Variants in SOCS2 observed in about 807,000 individuals in gnomAD.
SOCS2 encodes the protein CIS-2.
A neutral mutation model predicts 18.6 loss-of-function variants in SOCS2; 10 were observed. The observed-to-expected ratio is 0.54, with a 90% CI of 0.33 to 0.91. The LOEUF is 0.91. Ranked by LOEUF, SOCS2 falls within the 40% of genes least tolerant of loss-of-function variation. The pLI is 0.02. For missense variants in SOCS2, 231 were observed against 247.2 expected, an observed-to-expected ratio of 0.93 and a Z score of 0.44; for synonymous variants, 104 against 104.0, an observed-to-expected ratio of 1.00 and a Z score of 0.00.
chr12:93,593,752 G>A, the SOCS2 span, among the ~76,000 whole-genome samples: 1 of 152,102 alleles, frequency 6.6e-6, no homozygotes, highest in Non-Finnish European at 1.5e-5. Context: ...ATGAAGCCAA[G>A]TCAAGTCAGA....
chr12:93,571,728 C>A (rs949087052), upstream of SOCS2: 16 of 297,104 alleles, frequency 5.4e-5, no homozygotes, highest in East Asian at 2.5e-3. Flanking sequence ...CGCCTCCGAG[C>A]GCGGGGCTGG....
downstream of SOCS2, among the ~76,000 whole-genome samples, chr12:93,579,619 G>A (rs1954510916): frequency 6.6e-6 from 1 of 152,108 alleles, no homozygotes. Flanking sequence ...TTCTTCATAT[G>A]CATGGTTCTT....
At chr12:93,571,871 T>G (rs968103070), upstream of SOCS2, 2 of 413,096 alleles carry the variant, frequency 4.8e-6, no homozygotes, top group African/African-American at 4.7e-5. Flanking sequence ...CTGAGGAGGC[T>G]GCCTGGTGCG....
chr12:93,582,950 T>G (rs1234387828), intron 1 of SOCS2: 1 of 152,028 alleles, frequency 6.6e-6, no homozygotes, highest in Non-Finnish European at 1.5e-5. Flanking sequence ...TATGCTATAA[T>G]ATATTCTCAT....
chr12:93,619,367 G>T, the SOCS2 span, among the ~76,000 whole-genome samples: 13,094 of 152,200 alleles, frequency 0.086, 939 homozygotes, highest in East Asian at 0.31. Context: ...AGGGCAGGAA[G>T]GGTGGGGCAC....
chr12:93,620,042 T>G, the SOCS2 span, among the ~76,000 whole-genome samples: 5 of 152,260 alleles, frequency 3.3e-5, no homozygotes, highest in African/African-American at 1.2e-4. Context: ...TTGGAAATTT[T>G]TGTGTTTTCT....
chr12:93,573,195 G>A (rs1954324360), intron 1 of SOCS2, 159 bp downstream of exon 1: 4 of 938,676 alleles, frequency 4.3e-6, no homozygotes, highest in Non-Finnish European at 6.3e-6. Context: ...CTGGGTCCTT[G>A]GGAATGCGTA....
chr12:93,582,532 TC>T (rs1954554534), intron 1 of SOCS2, among the ~76,000 whole-genome samples: 1 of 152,160 alleles, frequency 6.6e-6, no homozygotes, highest in Non-Finnish European at 1.5e-5. Flanking sequence ...GTTGACTCTT[TC>T]CTTCCTTGGC....
At chr12:93,600,162 A>G in the SOCS2 span, among the ~76,000 whole-genome samples, 1 of 152,218 alleles carries the variant, frequency 6.6e-6, no homozygotes, top group Non-Finnish European at 1.5e-5. Flanking sequence ...AATGGAGATA[A>G]AGGTATAGAT....
chr12:93,619,279 T>C, the SOCS2 span, among the ~76,000 whole-genome samples: 1 of 152,256 alleles, frequency 6.6e-6, no homozygotes, highest in African/African-American at 2.4e-5. Context: ...CATTATTTCC[T>C]GGCCAAGCCC....
chr12:93,581,874 T>C (rs1954545434), intron 1 of SOCS2, among the ~76,000 whole-genome samples: 1 of 152,218 alleles, frequency 6.6e-6, no homozygotes, highest in African/African-American at 2.4e-5. Context: ...TGCTTAGCCA[T>C]TGCATTTCAT....
the SOCS2 span, among the ~76,000 whole-genome samples, chr12:93,615,752 T>G: frequency 6.6e-6 from 1 of 152,144 alleles, no homozygotes; most frequent in African/African-American, 2.4e-5. Context: ...TGAGCCACCA[T>G]GTTCAGCTAA....
chr12:93,609,089 G>T, the SOCS2 span, among the ~76,000 whole-genome samples: 1 of 151,492 alleles, frequency 6.6e-6, no homozygotes, highest in African/African-American at 2.4e-5. Context: ...GTGACACCCT[G>T]TCTCTATTTA....
At chr12:93,614,429 CCCTTCCTTCCTTCCTT>C in the SOCS2 span, among the ~76,000 whole-genome samples, 5 of 41,482 alleles carry the variant, frequency 1.2e-4, no homozygotes, top group African/African-American at 2.9e-4. Context: ...TCCTTTCTTT[CCCTTCCTTCCTTCCTT>C]CCTTCCTTCC....
At chr12:93,614,560 T>C in the SOCS2 span, among the ~76,000 whole-genome samples, 20 of 46,664 alleles carry the variant, frequency 4.3e-4, no homozygotes, top group Middle Eastern at 7.0e-3. Context: ...TCTTTCTTTC[T>C]TTCTTTCTTT....
rs1169540984 is a variant in SOCS2, at chr12:93,573,030, C to G, written c.133C>G (p.Gln45Glu). 2 of 1,565,554 alleles carry G rather than the reference C, an allele frequency of 1.3e-6. No homozygotes were observed. Among genetic ancestry groups the G allele is most frequent in the Non-Finnish European group, 1.7e-6 (2 of 1,160,056 alleles). Reference protein sequence around the residue: ...RLAKALRELGQTGWYWGSMTV... With the variant: ...RLAKALRELGETGWYWGSMTV... ...GGCGAAGGCCCTGCGGGAGCTCGGTCAGACAGGTAGGGAGCCGATCGGCCG... is the reference window on the plus strand; with the variant it reads ...GGCGAAGGCCCTGCGGGAGCTCGGTGAGACAGGTAGGGAGCCGATCGGCCG... The change falls in exon 1 of 2, where the codon CAG (glutamine) becomes GAG (glutamate). Residue 45 changes from glutamine (Q) to glutamate (E), a missense_variant. This residue lies in a region of SOCS2 where 106 missense variants were observed against 103.8 expected (regional missense o/e 1.02). Transcript: ENST00000551556.
At chr12:93,613,348 C>G in the SOCS2 span, among the ~76,000 whole-genome samples, 1 of 152,262 alleles carries the variant, frequency 6.6e-6, no homozygotes, top group Admixed American at 6.5e-5. Flanking sequence ...TTCTGCAGCC[C>G]TGTTTTTTGT....
the SOCS2 span, among the ~76,000 whole-genome samples, chr12:93,614,615 C>G: frequency 1.0e-5 from 1 of 96,268 alleles, no homozygotes; most frequent in Non-Finnish European, 2.0e-5. Context: ...TTCTTTCTTT[C>G]TTTCTTTCTT....
chr12:93,589,367 C>T, the SOCS2 span, among the ~76,000 whole-genome samples: 1 of 151,748 alleles, frequency 6.6e-6, no homozygotes, highest in Non-Finnish European at 1.5e-5. Context: ...TTTTAAATTC[C>T]CATGGGTTCT....
Sources: gnomAD v4.1 joint callset for allele counts (sites outside exome capture counted in the v4.1 genomes callset) on GRCh38, gnomAD v4.1.1 for gene constraint, gnomAD v4.1.1 regional missense constraint, MANE v1.5 for transcripts, NCBI Gene and HGNC (gene_info 2026-07-23, HGNC 2026-07-21) for gene names.